Variants in RAB44 observed in about 807,000 individuals in gnomAD.
RAB44 encodes RAB44, member RAS oncogene family.
Under a neutral mutation model 93.3 loss-of-function variants are expected in RAB44, and 67 were observed. The observed-to-expected ratio is 0.72, with a 90% CI of 0.59 to 0.88. The LOEUF (loss-of-function observed/expected upper bound fraction) is 0.88. Ranked by LOEUF, RAB44 falls within the 40% of genes least tolerant of loss-of-function variation. The pLI is 0.00. For missense variants in RAB44, 1,064 were observed against 1,261.7 expected, an observed-to-expected ratio of 0.84 and a Z score of 2.37; for synonymous variants, 427 against 520.3, an observed-to-expected ratio of 0.82 and a Z score of 2.44.
Position 36,715,642 on chromosome 6 carries a change from C to A in RAB44, c.483C>A (p.His161Gln), listed in dbSNP as rs903697691. The A allele has an allele frequency of 2.8e-5, 43 of 1,535,938 alleles. No homozygotes were observed. Among genetic ancestry groups the A allele is most frequent in the Non-Finnish European group, 3.5e-5 (40 of 1,146,872 alleles). The part of the protein sequence containing the change: ...LAFMEQLGTG[H>Q]LLPKQMEIWQ... ...TCATGGAGCAGCTGGGGACTGGACA[C>A]TTACTTCCCAAGTAAGGCCAGGGCG... The change falls in exon 4 of 14, where the codon CAC becomes CAA. Residue 161 changes from histidine to glutamine, a missense_variant. Coordinates refer to ENST00000612677, the MANE Select transcript of RAB44 (RefSeq NM_001257357.2).
rs189546339 is a variant in RAB44, at chr6:36,723,188, G to T, written c.2599+455G>T. On this transcript the variant is annotated intron_variant, in intron 9 of 13. Transcript: ENST00000612677. ...GTATTTGTAGAGTGTGGTAAATTAG[G>T]AAGCCAGGTGCCTGAGTTCAAATCT... 3.7e-3 allele frequency among the ~76,000 whole-genome samples: 564 copies of T among 152,326 alleles called. 2 individuals are homozygous for T. Among genetic ancestry groups the T allele is most frequent in the African/African-American group, 0.013 (522 of 41,570 alleles).
intron 12 of RAB44, 51 bp downstream of exon 12, chr6:36,728,852 T>A: frequency 7.0e-7 from 1 of 1,431,942 alleles, no homozygotes; most frequent in Non-Finnish European, 9.6e-7. Flanking sequence ...GGCAGACACC[T>A]CCCTGGCAGG....
At chr6:36,698,572 G>A (rs886392178) in intron 1 of RAB44, among the ~76,000 whole-genome samples, 1 of 152,166 alleles carries the variant, frequency 6.6e-6, no homozygotes, top group African/African-American at 2.4e-5. Flanking sequence ...GATTTCTTAG[G>A]TGAGGGATGT....
intron 1 of RAB44, among the ~76,000 whole-genome samples, chr6:36,703,571 C>G (rs1762563156): frequency 6.6e-6 from 1 of 152,050 alleles, no homozygotes; most frequent in South Asian, 2.1e-4. Flanking sequence ...TGCCATGGAC[C>G]CCAAGGGCAC....
chr6:36,729,481 T>C (rs1395466371), intron 12 of RAB44, among the ~76,000 whole-genome samples: 2 of 151,048 alleles, frequency 1.3e-5, no homozygotes, highest in African/African-American at 4.9e-5. Context: ...TTTCTTTCTT[T>C]CTTTCTTTTT....
chr6:36,710,713 G>C (rs575128952), intron 2 of RAB44, among the ~76,000 whole-genome samples: 2 of 151,996 alleles, frequency 1.3e-5, no homozygotes, highest in Admixed American at 6.5e-5. Context: ...CCGCCTCCTG[G>C]GATCAAGTGA....
rs780289838 is a variant in RAB44 at position 36,732,894 on chromosome 6, T to C, written c.*801T>C. 7 of 152,204 alleles carry C rather than the reference T, an allele frequency of 4.6e-5. No individual in the cohort carries two copies. Among genetic ancestry groups the C allele is most frequent in the Non-Finnish European group, 1.0e-4 (7 of 68,072 alleles). The allele number at this position is 152,204 out of a possible 1,614,324, so 9.4% of individuals were successfully genotyped here. A position where few individuals can be genotyped will look rare whatever the true frequency, so the allele number is the denominator to read the frequency against. On this transcript the variant is annotated 3_prime_UTR_variant, in exon 14 of 14. Transcript: ENST00000612677. ...ACAGGGCTTTGGCCTGAGTTGTCAG[T>C]CTCTGGATGCATTTGAGGGGCAGCT...
At chr6:36,700,485 G>A (rs551309967) in intron 1 of RAB44, among the ~76,000 whole-genome samples, 2 of 152,324 alleles carry the variant, frequency 1.3e-5, no homozygotes, top group East Asian at 3.9e-4. Flanking sequence ...CTGTCGCCCA[G>A]GCTGGAGTGC....
In RAB44 at chr6:36,722,468, C is replaced by G; in HGVS notation, c.2334C>G (p.Ser778=). The G allele has an allele frequency of 3.4e-6, 5 of 1,465,784 alleles. No individual in the cohort carries two copies. The highest frequency in any genetic ancestry group is 4.5e-6 in the Non-Finnish European group (5 of 1,110,750). The allele number at this position is 1,465,784 out of a possible 1,614,324, so 90.8% of individuals were successfully genotyped here. A position where few individuals can be genotyped will look rare whatever the true frequency, so the allele number is the denominator to read the frequency against. ...AGCAGGAAGCCCAACCCAGGCCATC[C>G]CTCACGACTGCTCACGCAGAAGAAC... ...MAEQEAQPRP[S]LTTAHAEEQG... The change falls in exon 9 of 14, where the codon TCC becomes TCG. Residue 778 remains serine (S), a synonymous_variant. Transcript: ENST00000612677.
intron 11 of RAB44, 147 bp from the exon 12 acceptor site, chr6:36,728,553 G>A (rs236470): frequency 0.34 from 216,130 of 644,548 alleles, 38,061 homozygotes; most frequent in Non-Finnish European, 0.38. Context: ...GAAGGATGGG[G>A]GAAAGGGTCC....
At chr6:36,711,833 G>A (rs540350973) in intron 2 of RAB44, among the ~76,000 whole-genome samples, 1 of 151,702 alleles carries the variant, frequency 6.6e-6, no homozygotes, top group South Asian at 2.1e-4. Context: ...AACCCAGGAA[G>A]TGGAGGTTGC....
chr6:36,713,907 AC>A lies in RAB44; in HGVS notation c.289del (p.Leu97CysfsTer98), dbSNP rs1762847354. 6.5e-7 allele frequency: 1 copy of A among 1,535,364 alleles called. No homozygotes were observed. The highest frequency in any genetic ancestry group is 8.7e-7 in the Non-Finnish European group (1 of 1,146,394). On this transcript the variant is annotated frameshift_variant, in exon 3 of 14. Transcript: ENST00000612677. LOFTEE classifies it high-confidence loss of function. ...TGGGTGGATGTGGAGCGGAAGGGACACCTGTCCCTTGAAGAATTCAGCTCTG... is the reference window on the plus strand; with the variant it reads ...TGGGTGGATGTGGAGCGGAAGGGACACTGTCCCTTGAAGAATTCAGCTCTG... ...FDWVDVERKGHLSLEEFSSGL... is the reference protein window; with the variant it reads ...FDWVDVERKGXLSLEEFSSGL...
chr6:36,715,868 G>A (rs2074924675), intron 4 of RAB44, among the ~76,000 whole-genome samples: 1 of 152,218 alleles, frequency 6.6e-6, no homozygotes, highest in Non-Finnish European at 1.5e-5. Flanking sequence ...TTGTTGTGGG[G>A]TTAAAACCAC....
chr6:36,720,298 T>G, intron 7 of RAB44, 65 bp from the exon 8 acceptor site: 1 of 1,212,864 alleles, frequency 8.2e-7, no homozygotes, highest in Non-Finnish European at 1.0e-6. Context: ...CACAATGGCC[T>G]TGGGAGGCTT....
At chr6:36,702,338 G>GAGAGAGAGAGA (rs1201118344) in intron 1 of RAB44, among the ~76,000 whole-genome samples, 14 of 58,510 alleles carry the variant, frequency 2.4e-4, no homozygotes, top group South Asian at 6.4e-4. Flanking sequence ...GAGAGAGAGA[G>GAGAGAGAGAGA]AATGTACTTC....
At position 36,721,837 on chromosome 6, in the gene RAB44, C is replaced by T. The variant is rs1763092863; in HGVS notation, c.1703C>T (p.Pro568Leu). 9 of 1,234,792 alleles carry T rather than the reference C, an allele frequency of 7.3e-6. No homozygotes were observed. Among genetic ancestry groups the T allele is most frequent in the Non-Finnish European group, 9.1e-6 (9 of 988,594 alleles). The allele number at this position is 1,234,792 out of a possible 1,614,324, so 76.5% of individuals were successfully genotyped here. Residue 568 changes from proline to leucine, a missense_variant, in exon 9 of 14, where the codon CCC becomes CTC. Pro to Leu is a moderately conservative substitution (Grantham distance 98). Coordinates refer to ENST00000612677, the MANE Select transcript of RAB44 (RefSeq NM_001257357.2). Reference protein sequence around the residue: ...TMTERETQPGPSPTTALTGVG... With the variant: ...TMTERETQPGLSPTTALTGVG... ...ACTGAGCGGGAAACCCAGCCCGGAC[C>T]CTCACCCACAACTGCCCTCACAGGA...
Position 36,704,571 on chromosome 6 carries a change from C to T in RAB44, c.207+129C>T, listed in dbSNP as rs375531585. The T allele has an allele frequency of 2.7e-4, 213 of 803,396 alleles. 2 individuals carry two copies. The African/African-American group carries it at 2.7e-3, about 10-fold the overall frequency. The allele number at this position is 803,396 out of a possible 1,614,324, so 49.8% of individuals were successfully genotyped here. ...TCTCTCATTTAGAGCTCTCAGAAAA[C>T]GCTAGGGATGTGTTTATACTAATGT... is the stretch of plus-strand genomic sequence containing the variant. On this transcript the variant is annotated intron_variant, in intron 2 of 13. Coordinates refer to ENST00000612677, the MANE Select transcript of RAB44 (RefSeq NM_001257357.2).
In RAB44 at chr6:36,717,741, T is replaced by TGGGGACTGAGTGATGGGGTGGC. The variant is rs1762959856; in HGVS notation, c.642-267_642-266insGCGGGGACTGAGTGATGGGGTG. The stretch of plus-strand genomic sequence containing the variant: ...GGCAGGAGGACGGTGAAAGAGGGAG[T>TGGGGACTGAGTGATGGGGTGGC]GGGGACTGAGTGATGGGGTGATGGG... On this transcript the variant is annotated intron_variant, in intron 5 of 13. Coordinates refer to ENST00000612677, the MANE Select transcript of RAB44 (RefSeq NM_001257357.2). This position sits in a 1 kb window ranked among gnomAD's most constrained non-coding sequence, Gnocchi z 4.1. 6.6e-6 allele frequency among the ~76,000 whole-genome samples: 1 copy of TGGGGACTGAGTGATGGGGTGGC among 150,456 alleles called. No individual in the cohort carries two copies.
At position 36,732,447 on chromosome 6, in the gene RAB44, C is replaced by A. The variant is rs578092883; in HGVS notation, c.*354C>A. 5.8e-6 allele frequency: 1 copy of A among 171,118 alleles called. No homozygotes were observed. The highest frequency in any genetic ancestry group is 6.3e-5 in the Admixed American group (1 of 15,760). 10.6% of individuals were successfully genotyped at this position (171,118 alleles called of 1,614,324 possible). ...GGGGGGGGTGTTACTTTCCATTTTACACATATTTGTATTTTCAGATTTTCA... is the reference window on the plus strand; with the variant it reads ...GGGGGGGGTGTTACTTTCCATTTTAAACATATTTGTATTTTCAGATTTTCA... On this transcript the variant is annotated 3_prime_UTR_variant, in exon 14 of 14. Transcript: ENST00000612677.
Sources: gnomAD v4.1 joint callset for allele counts (sites outside exome capture counted in the v4.1 genomes callset) on GRCh38, gnomAD v4.1.1 for gene constraint, Gnocchi (gnomAD v3.1) non-coding constraint, MANE v1.5 for transcripts, NCBI Gene and HGNC (gene_info 2026-07-23, HGNC 2026-07-21) for gene names.